SLC5A4: variants seen among roughly 807,000 people sequenced by gnomAD.
The protein encoded by SLC5A4 is probable glucose sensor protein SLC5A4.
SLC5A4 carries 55 observed loss-of-function variants against 70.3 expected under a neutral mutation model. The observed-to-expected ratio is 0.78, with a 90% CI of 0.63 to 0.98. The LOEUF is 0.98. Among genes scored for constraint, SLC5A4 ranks in the 50% least tolerant of loss-of-function variants. The probability of loss-of-function intolerance (pLI) is 0.00; values close to 1 mark genes in which losing one functional copy is unlikely to be tolerated. For synonymous variants in SLC5A4, 268 were observed against 305.7 expected (o/e 0.88, Z 1.29); for missense variants, 735 against 839.2 (o/e 0.88, Z 1.53).
At position 32,231,278 on chromosome 22, in the gene SLC5A4, T is replaced by C. The variant is rs1430914492; in HGVS notation, c.1022-203A>G. On this transcript the variant is annotated intron_variant, in intron 9 of 14. Coordinates refer to ENST00000266086, the MANE Select transcript of SLC5A4 (RefSeq NM_014227.3). ...CAAGTATCTTATCCCCATAGCCCCT[T>C]GCACTGACCCATGGGATAGGGGCTC... Among the ~76,000 whole-genome samples the C allele has an allele frequency of 2.6e-5, 4 of 152,218 alleles. No individual in the cohort carries two copies. In the East Asian group the frequency reaches 7.7e-4, roughly 29 times the overall value.
At chr22:32,263,179 T>G in the SLC5A4 span, among the ~76,000 whole-genome samples, 2 of 150,742 alleles carry the variant, frequency 1.3e-5, no homozygotes, top group African/African-American at 5.0e-5. Context: ...TTTGTCTGTT[T>G]GTTGTTTTTG....
chr22:32,353,678 T>A, the SLC5A4 span, among the ~76,000 whole-genome samples: 1 of 150,794 alleles, frequency 6.6e-6, no homozygotes, highest in South Asian at 2.1e-4. Flanking sequence ...CAGTGTAGCA[T>A]CCAATGGCGA....
the SLC5A4 span, among the ~76,000 whole-genome samples, chr22:32,286,972 A>G: frequency 1.3e-5 from 2 of 152,244 alleles, no homozygotes; most frequent in East Asian, 3.8e-4. Context: ...AAAAAGATCC[A>G]GATAGACTCA....
chr22:32,254,997 G>C (rs1639721754), intron 1 of SLC5A4, among the ~76,000 whole-genome samples, 198 bp downstream of exon 1: 1 of 152,134 alleles, frequency 6.6e-6, no homozygotes, highest in African/African-American at 2.4e-5. Flanking sequence ...TCCCGGTGCT[G>C]GCTGTGTGCA....
chr22:32,285,338 C>A, the SLC5A4 span, among the ~76,000 whole-genome samples: 1 of 152,138 alleles, frequency 6.6e-6, no homozygotes, highest in African/African-American at 2.4e-5. Context: ...TTGCTTTCAA[C>A]AGAAGGTATA....
chr22:32,306,692 T>TG, the SLC5A4 span, among the ~76,000 whole-genome samples: 3 of 152,176 alleles, frequency 2.0e-5, no homozygotes, highest in Non-Finnish European at 4.4e-5. Flanking sequence ...TGGCTGGCCC[T>TG]GGGGAGGACA....
intron 13 of SLC5A4, among the ~76,000 whole-genome samples, chr22:32,222,694 C>T (rs761446260): frequency 6.6e-6 from 1 of 152,120 alleles, no homozygotes; most frequent in Admixed American, 6.5e-5. Context: ...CTTCGTAAAA[C>T]ATTTTGAGCT....
At chr22:32,267,691 T>C in the SLC5A4 span, among the ~76,000 whole-genome samples, 1 of 152,144 alleles carries the variant, frequency 6.6e-6, no homozygotes. Context: ...CTATTTCTCA[T>C]TACATTTTCC....
In SLC5A4 at chr22:32,239,084, T is replaced by C. The variant is rs1251487050; in HGVS notation, c.484A>G (p.Ile162Val). The C allele has an allele frequency of 5.6e-6, 9 of 1,612,950 alleles. No homozygotes were observed. Among genetic ancestry groups the C allele is most frequent in the Admixed American group, 1.7e-5 (1 of 59,978 alleles). The change falls in exon 6 of 15, where the codon ATA becomes GTA. Residue 162 changes from isoleucine to valine, a missense_variant. Transcript: ENST00000266086. ...ICVVLLISAD[I>V]FAGAIFIKLA... is the part of the protein sequence containing the mutation. ...TTGATGAATATGGCTCCAGCAAATA[T>C]GTCTGCCTAAAAAGGGAACAGTCAG...
At chr22:32,302,904 A>C in the SLC5A4 span, among the ~76,000 whole-genome samples, 1 of 152,240 alleles carries the variant, frequency 6.6e-6, no homozygotes, top group Non-Finnish European at 1.5e-5. Context: ...ACTGACATCA[A>C]TCTGATTTGG....
chr22:32,306,234 G>A, the SLC5A4 span, among the ~76,000 whole-genome samples: 1 of 152,194 alleles, frequency 6.6e-6, no homozygotes, highest in African/African-American at 2.4e-5. Context: ...GGGAGGCCGA[G>A]GCAGGCAGAT....
chr22:32,326,332 C>T, the SLC5A4 span, among the ~76,000 whole-genome samples: 13 of 150,756 alleles, frequency 8.6e-5, no homozygotes, highest in Non-Finnish European at 1.5e-4. Context: ...TCTTGGCTCA[C>T]TGCAATCTCT....
the SLC5A4 span, among the ~76,000 whole-genome samples, chr22:32,320,320 C>T: frequency 3.9e-5 from 6 of 152,180 alleles, no homozygotes; most frequent in Non-Finnish European, 8.8e-5. Context: ...CACATGCCTA[C>T]GGTACAGATG....
At chr22:32,243,653 C>A (rs1439986917) in intron 5 of SLC5A4, among the ~76,000 whole-genome samples, 1 of 152,066 alleles carries the variant, frequency 6.6e-6, no homozygotes, top group Non-Finnish European at 1.5e-5. Context: ...AGTGTTAAAT[C>A]TGGGGGAAAT....
chr22:32,254,206 A>G lies in SLC5A4; in HGVS notation c.143T>C (p.Leu48Pro), dbSNP rs1363891532. 6.2e-7 allele frequency: 1 copy of G among 1,613,422 alleles called. No homozygotes were observed. The highest frequency in any genetic ancestry group is 1.3e-5 in the African/African-American group (1 of 74,920). ...VVMAVGLWAM[L>P]KTNRGTIGGF... ...TCCTATAGTACCTCGGTTGGTCTTC[A>G]GCATCGCCTGAGCAGAAGGGAAGAC... The change falls in exon 2 of 15, where the codon CTG (leucine) becomes CCG (proline). Residue 48 changes from leucine to proline, a missense_variant. Leu to Pro is a moderately conservative substitution (Grantham distance 98). Coordinates refer to ENST00000266086, the MANE Select transcript of SLC5A4 (RefSeq NM_014227.3).
At chr22:32,307,064 T>C in the SLC5A4 span, among the ~76,000 whole-genome samples, 1 of 152,142 alleles carries the variant, frequency 6.6e-6, no homozygotes, top group Non-Finnish European at 1.5e-5. Context: ...GGTACCTCAT[T>C]GTACCAACCC....
chr22:32,349,096 T>C, the SLC5A4 span, among the ~76,000 whole-genome samples: 1 of 152,110 alleles, frequency 6.6e-6, no homozygotes, highest in African/African-American at 2.4e-5. Context: ...TGCCTCAGCC[T>C]CCCGAGTAGC....
the SLC5A4 span, among the ~76,000 whole-genome samples, chr22:32,318,231 ATTT>A: frequency 6.9e-6 from 1 of 144,732 alleles, no homozygotes. Context: ...GCATATGTTG[ATTT>A]TTTTTTTTTT....
rs199635697 is a variant in SLC5A4, at chr22:32,234,864, A to G, written c.885+9T>C. On this transcript the variant is annotated intron_variant, in intron 8 of 14. Transcript: ENST00000266086. ...CAGACAGACAGACACACATATACATATACTTCACCTGATTTGTGCACCAGT... is the reference window on the plus strand; with the variant it reads ...CAGACAGACAGACACACATATACATGTACTTCACCTGATTTGTGCACCAGT... 9.1e-4 allele frequency: 1,446 copies of G among 1,590,244 alleles called. 2 individuals are homozygous for G. Among genetic ancestry groups the G allele is most frequent in the Non-Finnish European group, 1.1e-3 (1,325 of 1,160,088 alleles).
Sources: gnomAD v4.1 joint callset for allele counts (sites outside exome capture counted in the v4.1 genomes callset) on GRCh38, gnomAD v4.1.1 for gene constraint, MANE v1.5 for transcripts, NCBI Gene and HGNC (gene_info 2026-07-23, HGNC 2026-07-21) for gene names.